The following ANKRD16 variants were observed in gnomAD, a reference collection of about 807,000 sequenced individuals.
ANKRD16 encodes the protein ankyrin repeat domain 16, also known as ankyrin repeat domain-containing protein 16.
ANKRD16 carries 35 observed loss-of-function variants against 37.9 expected under a neutral mutation model. That is an observed-to-expected ratio of 0.92 (90% confidence interval 0.71 to 1.23). The LOEUF (loss-of-function observed/expected upper bound fraction) is 1.23, where lower values mean the gene tolerates loss of function less well. Ranked by LOEUF, ANKRD16 falls within the 50% of genes most tolerant of loss-of-function variation. The probability of loss-of-function intolerance (pLI) is 0.00; values close to 1 mark genes in which losing one functional copy is unlikely to be tolerated. For missense variants in ANKRD16, 480 were observed against 469.9 expected (o/e 1.02, Z -0.20); for synonymous variants, 206 against 197.2 (o/e 1.04, Z -0.37).
intron 3 of ANKRD16, among the ~76,000 whole-genome samples, chr10:5,884,739 TAA>T (rs34030686): frequency 4.2e-5 from 5 of 120,152 alleles, no homozygotes; most frequent in Admixed American, 1.8e-4. Flanking sequence ...TCTCAAAAAC[TAA>T]AAAAAAAAAA....
At position 5,870,479 on chromosome 10, in the gene ANKRD16, C is replaced by G. The variant is rs1303101247; in HGVS notation, c.*33+7618G>C. 2.6e-5 allele frequency among the ~76,000 whole-genome samples: 4 copies of G among 151,490 alleles called. No individual in the cohort carries two copies. The highest frequency in any genetic ancestry group is 5.9e-5 in the Non-Finnish European group (4 of 67,940). On this transcript the variant is annotated intron_variant, in intron 7 of 7. Coordinates refer to ENST00000380094, the MANE Select transcript of ANKRD16 (RefSeq NM_019046.3). The surrounding 1 kb of genome is among the most constrained non-coding windows in gnomAD (Gnocchi z 5.0). ...AATACAAAAGTGCAATCATAGCTCA[C>G]TGCAGCCTTGACCTCCTGGGCTCAA...
intron 2 of ANKRD16, 83 bp downstream of exon 2, chr10:5,887,764 G>T: frequency 8.0e-7 from 1 of 1,245,600 alleles, no homozygotes; most frequent in Non-Finnish European, 1.1e-6. Flanking sequence ...CCCTGAAGGT[G>T]ACCTGAACAA....
At position 5,866,466 on chromosome 10, in the gene ANKRD16, T is replaced by A. The variant is rs545136263; in HGVS notation, c.*34-3775A>T. Among the ~76,000 whole-genome samples, 82 of 152,318 alleles carry A rather than the reference T, an allele frequency of 5.4e-4. No homozygotes were observed. Among genetic ancestry groups the A allele is most frequent in the African/African-American group, 1.8e-3 (76 of 41,566 alleles). On this transcript the variant is annotated intron_variant, in intron 7 of 7. Transcript: ENST00000380094. This position sits in a 1 kb window ranked among gnomAD's most constrained non-coding sequence, Gnocchi z 4.3. ...GGGACCAGTGCCCAGTTAGCAGAAC[T>A]AGTGGCACTTACCCGAGCCTTAGAA...
Position 5,862,762 on chromosome 10 carries a change from C to T in ANKRD16, c.*34-71G>A. 9.4e-7 allele frequency: 1 copy of T among 1,060,020 alleles called. No homozygotes were observed. Among genetic ancestry groups the T allele is most frequent in the Non-Finnish European group, 1.3e-6 (1 of 779,892 alleles). The allele number at this position is 1,060,020 out of a possible 1,614,324, so 65.7% of individuals were successfully genotyped here. On this transcript the variant is annotated intron_variant, in intron 7 of 7. Coordinates refer to ENST00000380094, the MANE Select transcript of ANKRD16 (RefSeq NM_019046.3). This position sits in a 1 kb window ranked among gnomAD's most constrained non-coding sequence, Gnocchi z 6.5. ...AAGCTCAGAGAGGGCAAGCAGCTAG[C>T]ACAAGGTCCCACAGCTGGACTCAGG...
rs997887140 is a variant in ANKRD16, at chr10:5,874,362, C to T, written c.*33+3735G>A. Among the ~76,000 whole-genome samples, 7 of 152,216 alleles carry T rather than the reference C, an allele frequency of 4.6e-5. No individual in the cohort carries two copies. The highest frequency in any genetic ancestry group is 1.7e-4 in the African/African-American group (7 of 41,444). ...GTTAAGCCACAATTGGCAATCAATGCCCTTGGTCACATTAGTGAGAACGCC... is the reference window on the plus strand; with the variant it reads ...GTTAAGCCACAATTGGCAATCAATGTCCTTGGTCACATTAGTGAGAACGCC... On this transcript the variant is annotated intron_variant, in intron 7 of 7. Coordinates refer to ENST00000380094, the MANE Select transcript of ANKRD16 (RefSeq NM_019046.3). The surrounding 1 kb of genome is among the most constrained non-coding windows in gnomAD (Gnocchi z 4.7).
rs373191798 is a variant in ANKRD16, at chr10:5,888,097, G to A, written c.315-30C>T. On this transcript the variant is annotated intron_variant, in intron 1 of 7. Transcript: ENST00000380094. ...GGCCAACCAGGAGAAGCTGTCAGAT[G>A]GAGGCAGCTGAGACATTAGAAGCCA... The A allele has an allele frequency of 4.3e-5, 69 of 1,597,196 alleles. 1 individual carries two copies. In the East Asian group the frequency reaches 4.9e-4, roughly 11 times the overall value.
At chr10:5,872,800 C>G (rs1381725907) in intron 7 of ANKRD16, among the ~76,000 whole-genome samples, 1 of 151,838 alleles carries the variant, frequency 6.6e-6, no homozygotes, top group Non-Finnish European at 1.5e-5. Context: ...TCGTGATCTG[C>G]CCCCCTTGGC....
Position 5,871,619 on chromosome 10 carries a change from C to T in ANKRD16, c.*33+6478G>A, listed in dbSNP as rs533382574. 7.9e-5 allele frequency among the ~76,000 whole-genome samples: 12 copies of T among 152,252 alleles called. No individual in the cohort carries two copies. The South Asian group carries it at 2.1e-3, about 26-fold the overall frequency. On this transcript the variant is annotated intron_variant, in intron 7 of 7. Transcript: ENST00000380094. This position sits in a 1 kb window ranked among gnomAD's most constrained non-coding sequence, Gnocchi z 4.5. ...GCTCTGCCCTGAACTTTTCTTCCTT[C>T]TTGCCCTTCTTCTTTCCTTCATGCC...
In ANKRD16 at chr10:5,864,337, TC is replaced by T. The variant is rs536674880; in HGVS notation, c.*34-1647del. Among the ~76,000 whole-genome samples the T allele has an allele frequency of 2.7e-5, 4 of 150,592 alleles. No homozygotes were observed. Among genetic ancestry groups the T allele is most frequent in the East Asian group, 3.9e-4 (2 of 5,128 alleles). ...AAGAAATCTCCAAGGGACCACAACC[TC>T]CCCCCCACCCCTGCTATCGGTTATG... On this transcript the variant is annotated intron_variant, in intron 7 of 7. Transcript: ENST00000380094. This position sits in a 1 kb window ranked among gnomAD's most constrained non-coding sequence, Gnocchi z 4.4.
At chr10:5,887,796 G>C in intron 2 of ANKRD16, 51 bp downstream of exon 2, 1 of 1,560,728 alleles carries the variant, frequency 6.4e-7, no homozygotes, top group South Asian at 1.1e-5. Context: ...GCAGTGCTGG[G>C]TGAAGCAGCC....
rs529819712 is a variant in ANKRD16 at position 5,889,674 on chromosome 10, G to A, written c.-320C>T. The A allele has an allele frequency of 1.1e-4, 20 of 178,316 alleles. No homozygotes were observed. The highest frequency in any genetic ancestry group is 8.7e-4 in the Admixed American group (14 of 16,106). The allele number at this position is 178,316 out of a possible 1,614,324, so 11.0% of individuals were successfully genotyped here. On this transcript the variant is annotated 5_prime_UTR_variant, in exon 1 of 8. Transcript: ENST00000380094. ...CGGGATGAGCACGGAGGGGCCTGGG[G>A]ATCCGAGAGCGCTGGCGTCCGCCGT...
intron 7 of ANKRD16, 133 bp downstream of exon 7, chr10:5,877,964 G>A: frequency 1.0e-6 from 1 of 956,396 alleles, no homozygotes; most frequent in East Asian, 2.6e-5. Context: ...TCAGCCCCCT[G>A]ATCACTGGGA....
chr10:5,880,187 A>G, intron 6 of ANKRD16, 111 bp downstream of exon 6: 1 of 297,472 alleles, frequency 3.4e-6, no homozygotes, highest in Non-Finnish European at 5.6e-6. Flanking sequence ...AAAAAAAAAA[A>G]AAAAAAAAAA....
Position 5,880,353 on chromosome 10 carries a change from C to A in ANKRD16, c.873G>T (p.Gln291His). The change falls in exon 6 of 8, where the codon CAG becomes CAT. Residue 291 changes from glutamine (Q) to histidine (H), a missense_variant. Gln to His is a conservative substitution (Grantham distance 24). Transcript: ENST00000380094. ...TGTCAGCTCCCAAGGATAAGAGAGTCTGAATTGTACTTGTATGTCCTTCCT... is the reference window on the plus strand; with the variant it reads ...TGTCAGCTCCCAAGGATAAGAGAGTATGAATTGTACTTGTATGTCCTTCCT... ...AAKEGHTSTI[Q>H]TLLSLGADIN... 6.2e-7 allele frequency: 1 copy of A among 1,604,724 alleles called. No individual in the cohort carries two copies. Among genetic ancestry groups the A allele is most frequent in the Non-Finnish European group, 8.5e-7 (1 of 1,176,178 alleles).
intron 2 of ANKRD16, among the ~76,000 whole-genome samples, chr10:5,886,542 G>A (rs1479206213): frequency 6.6e-6 from 1 of 152,182 alleles, no homozygotes. Flanking sequence ...AGTGAGCCGA[G>A]ATCGTGCCAC....
At chr10:5,884,947 C>T (rs1842392424) in intron 3 of ANKRD16, among the ~76,000 whole-genome samples, 1 of 152,106 alleles carries the variant, frequency 6.6e-6, no homozygotes, top group South Asian at 2.1e-4. Context: ...TTCTTTTTCT[C>T]CTTCAGGTCA....
rs1158882202 is a variant in ANKRD16, at chr10:5,863,179, C to T, written c.*34-488G>A. ...TGGAACTTGGGAGACATGCAGATCCCACAGGAGAGGGAAGGGGGAGCTGCT... is the reference window on the plus strand; with the variant it reads ...TGGAACTTGGGAGACATGCAGATCCTACAGGAGAGGGAAGGGGGAGCTGCT... On this transcript the variant is annotated intron_variant, in intron 7 of 7. Transcript: ENST00000380094. This position sits in a 1 kb window ranked among gnomAD's most constrained non-coding sequence, Gnocchi z 4.7. Among the ~76,000 whole-genome samples the T allele has an allele frequency of 6.6e-6, 1 of 151,968 alleles. No homozygotes were observed. Among genetic ancestry groups the T allele is most frequent in the Non-Finnish European group, 1.5e-5 (1 of 67,996 alleles).
At chr10:5,886,912 T>C (rs1456273759) in intron 2 of ANKRD16, among the ~76,000 whole-genome samples, 1 of 152,212 alleles carries the variant, frequency 6.6e-6, no homozygotes, top group East Asian at 1.9e-4. Context: ...CAAATTTACA[T>C]TAGATGTTAT....
chr10:5,888,835 C>T (rs1459894660), intron 1 of ANKRD16, among the ~76,000 whole-genome samples: 2 of 152,210 alleles, frequency 1.3e-5, no homozygotes, highest in African/African-American at 4.8e-5. Flanking sequence ...GACCAGTTAA[C>T]CCACAAGGGC....
Sources: gnomAD v4.1 joint callset for allele counts (sites outside exome capture counted in the v4.1 genomes callset) on GRCh38, gnomAD v4.1.1 for gene constraint, Gnocchi (gnomAD v3.1) non-coding constraint, MANE v1.5 for transcripts, NCBI Gene and HGNC (gene_info 2026-07-23, HGNC 2026-07-21) for gene names.